MGARP: variants seen among roughly 807,000 people sequenced by gnomAD.
MGARP encodes mitochondria localized glutamic acid rich protein.
In MGARP, 12 loss-of-function variants were observed where a neutral mutation model predicts 11.0. The observed-to-expected ratio is 1.09, with a 90% CI of 0.70 to 1.77. The LOEUF (loss-of-function observed/expected upper bound fraction) is 1.77. Among genes scored for constraint, MGARP ranks in the 40% most tolerant of loss-of-function variants. MGARP has a pLI of 0.00. For missense variants in MGARP, 283 were observed against 297.8 expected (o/e 0.95, Z 0.36); for synonymous variants, 110 against 115.4 (o/e 0.95, Z 0.30).
At chr4:139,275,975 A>G (rs1010882936) in intron 1 of MGARP, among the ~76,000 whole-genome samples, 4 of 152,200 alleles carry the variant, frequency 2.6e-5, no homozygotes, top group African/African-American at 9.6e-5. Flanking sequence ...GAAAGGTTGT[A>G]TCTGAAATAG....
chr4:139,276,730 T>C (rs1468260699), intron 1 of MGARP, among the ~76,000 whole-genome samples: 2 of 152,010 alleles, frequency 1.3e-5, no homozygotes, highest in Non-Finnish European at 2.9e-5. Context: ...GTGCCTGTAG[T>C]CCCAGCTACT....
intron 2 of MGARP, among the ~76,000 whole-genome samples, chr4:139,270,154 G>T (rs1182401276): frequency 1.3e-5 from 2 of 151,654 alleles, no homozygotes; most frequent in African/African-American, 4.9e-5. Context: ...TACAAAATTA[G>T]CCGGGCGTGG....
chr4:139,272,384 G>A (rs28538234), intron 2 of MGARP, among the ~76,000 whole-genome samples: 33,468 of 150,996 alleles, frequency 0.22, 4,050 homozygotes, highest in South Asian at 0.39. Context: ...GTGAAACCCC[G>A]TCTCTACTAA....
At chr4:139,272,687 T>TC (rs1744803130) in intron 2 of MGARP, among the ~76,000 whole-genome samples, 2 of 67,456 alleles carry the variant, frequency 3.0e-5, no homozygotes, top group African/African-American at 8.8e-5. Context: ...TTCATATTTC[T>TC]TTTTTTTTTT....
At chr4:139,271,091 T>C (rs181711408) in intron 2 of MGARP, among the ~76,000 whole-genome samples, 1 of 152,080 alleles carries the variant, frequency 6.6e-6, no homozygotes, top group African/African-American at 2.4e-5. Context: ...GAGCACAGAG[T>C]AGAATAAAGG....
At chr4:139,270,400 G>C (rs1307447630) in intron 2 of MGARP, among the ~76,000 whole-genome samples, 2 of 151,504 alleles carry the variant, frequency 1.3e-5, no homozygotes, top group Non-Finnish European at 2.9e-5. Context: ...ATGAGGTCAG[G>C]AGATGGAGAC....
chr4:139,271,553 T>C (rs767935556), intron 2 of MGARP, among the ~76,000 whole-genome samples: 50 of 152,166 alleles, frequency 3.3e-4, no homozygotes, highest in Non-Finnish European at 5.7e-4. Context: ...TCTGGGCCTC[T>C]TTCAGATTCC....
intron 2 of MGARP, among the ~76,000 whole-genome samples, chr4:139,271,316 A>G (rs1744777456): frequency 6.6e-6 from 1 of 152,092 alleles, no homozygotes; most frequent in African/African-American, 2.4e-5. Context: ...ACCTGAGGTC[A>G]GGAGTTCGAG....
At chr4:139,278,843 T>C (rs1218158722) in intron 1 of MGARP, among the ~76,000 whole-genome samples, 1 of 152,180 alleles carries the variant, frequency 6.6e-6, no homozygotes, top group Non-Finnish European at 1.5e-5. Context: ...AACGAAGATG[T>C]CTTATTTCTG....
At chr4:139,268,368 A>C (rs1431708539) in intron 3 of MGARP, among the ~76,000 whole-genome samples, 5 of 152,236 alleles carry the variant, frequency 3.3e-5, no homozygotes, top group African/African-American at 1.2e-4. Context: ...ATGAAAGCTC[A>C]TGCCTGCATG....
intron 1 of MGARP, among the ~76,000 whole-genome samples, chr4:139,278,494 C>T (rs17050733): frequency 0.14 from 21,767 of 152,092 alleles, 2,016 homozygotes; most frequent in South Asian, 0.37. Flanking sequence ...TTGCTAGATA[C>T]GTATTTAAAA....
intron 2 of MGARP, among the ~76,000 whole-genome samples, chr4:139,270,507 G>A (rs1396383797): frequency 6.6e-6 from 1 of 151,018 alleles, no homozygotes; most frequent in East Asian, 1.9e-4. Context: ...TACTCGGGAG[G>A]CTGAGGCAGG....
At position 139,280,150 on chromosome 4, in the gene MGARP, G is replaced by A. The variant is rs745501899; in HGVS notation, c.9C>T (p.Leu3=). Residue 3 remains leucine, a synonymous_variant, in exon 1 of 4, where the codon CTC becomes CTT. Coordinates refer to ENST00000398955, the MANE Select transcript of MGARP (RefSeq NM_032623.4). MY[L]RRAVSKTLAL... ...CCAGAGTCTTGGAGACCGCCCTGCG[G>A]AGATACATCGCGCCCGCTGTCCGCC... 6.8e-6 allele frequency: 11 copies of A among 1,609,076 alleles called. No individual in the cohort carries two copies. Among genetic ancestry groups the A allele is most frequent in the Non-Finnish European group, 8.5e-6 (10 of 1,178,742 alleles).
chr4:139,266,455 C>T lies in MGARP; in HGVS notation c.*144G>A. 1.4e-6 allele frequency: 1 copy of T among 705,296 alleles called. No homozygotes were observed. The highest frequency in any genetic ancestry group is 2.0e-5 in the South Asian group (1 of 50,412). The allele number at this position is 705,296 out of a possible 1,614,324, so 43.7% of individuals were successfully genotyped here. A position where few individuals can be genotyped will look rare whatever the true frequency, so the allele number is the denominator to read the frequency against. The stretch of plus-strand genomic sequence containing the variant: ...CAAGTCTCTCAGTCCTAAAATCTAT[C>T]AGTGGATGCCAAAAATCTTCAAGAC... On this transcript the variant is annotated 3_prime_UTR_variant, in exon 4 of 4. Transcript: ENST00000398955.
At position 139,273,510 on chromosome 4, in the gene MGARP, C is replaced by CTT. The variant is rs1000327890; in HGVS notation, c.186+1777_186+1778dup. ...CATGAGCCACCGCATTACTTTTATTCTTTTTTTTTTTTTTTTTTTTTTGAG... is the reference window on the plus strand; with the variant it reads ...CATGAGCCACCGCATTACTTTTATTCTTTTTTTTTTTTTTTTTTTTTTTTGAG... On this transcript the variant is annotated intron_variant, in intron 2 of 3. Transcript: ENST00000398955. Among the ~76,000 whole-genome samples the CTT allele has an allele frequency of 1.9e-3, 237 of 123,608 alleles. 1 individual carries two copies. The highest frequency in any genetic ancestry group is 5.7e-3 in the Middle Eastern group (1 of 176). 81.1% of individuals were successfully genotyped at this position (123,608 alleles called of 152,430 possible). A position where few individuals can be genotyped will look rare whatever the true frequency, so the allele number is the denominator to read the frequency against.
chr4:139,277,318 GAT>G (rs1193398987), intron 1 of MGARP, among the ~76,000 whole-genome samples: 2 of 152,108 alleles, frequency 1.3e-5, no homozygotes, highest in Non-Finnish European at 2.9e-5. Context: ...TCTTAGTTTG[GAT>G]ATAAATGGCC....
At position 139,266,889 on chromosome 4, in the gene MGARP, C is replaced by G. The variant is rs1342544189; in HGVS notation, c.433G>C (p.Ala145Pro). 4.3e-6 allele frequency: 7 copies of G among 1,614,046 alleles called. No homozygotes were observed. Among genetic ancestry groups the G allele is most frequent in the Non-Finnish European group, 5.1e-6 (6 of 1,180,038 alleles). ...CTGACTGCTGTGGTCTCCGGAGCAG[C>G]CTCCACGTGACCTGGACAGGCAGAT... ...EASACPGHVE[A>P]APETTAVSAE... Residue 145 changes from alanine (A) to proline (P), a missense_variant, in exon 4 of 4, where the codon GCT becomes CCT. Physicochemically the swap from Ala to Pro is conservative, Grantham distance 27 (BLOSUM62 -1). Coordinates refer to ENST00000398955, the MANE Select transcript of MGARP (RefSeq NM_032623.4).
intron 2 of MGARP, among the ~76,000 whole-genome samples, chr4:139,272,064 T>C (rs1356777326): frequency 3.3e-5 from 5 of 152,102 alleles, no homozygotes; most frequent in African/African-American, 4.8e-5. Context: ...TCTGTTTTTT[T>C]TTTTTGGTGG....
chr4:139,271,918 T>C (rs369539710), intron 2 of MGARP, among the ~76,000 whole-genome samples: 1 of 152,234 alleles, frequency 6.6e-6, no homozygotes, highest in Non-Finnish European at 1.5e-5. Flanking sequence ...AGATTCCTTT[T>C]GCAACCAGTG....
Sources: gnomAD v4.1 joint callset for allele counts (sites outside exome capture counted in the v4.1 genomes callset) on GRCh38, gnomAD v4.1.1 for gene constraint, MANE v1.5 for transcripts, NCBI Gene and HGNC (gene_info 2026-07-23, HGNC 2026-07-21) for gene names.